Variants in B3GALT1 observed in about 807,000 individuals in gnomAD.
The protein encoded by B3GALT1 is beta-1,3-galactosyltransferase 1, also known as UDP-Gal:betaGlcNAc beta 1,3-galactosyltransferase, polypeptide 1.
Under a neutral mutation model 23.2 loss-of-function variants are expected in B3GALT1, and 10 were observed. The observed-to-expected ratio is 0.43, with a 90% CI of 0.27 to 0.73. The LOEUF is 0.73. Among genes scored for constraint, B3GALT1 ranks in the 30% least tolerant of loss-of-function variants. The pLI is 0.21. For missense variants in B3GALT1, 299 were observed against 405.4 expected, an observed-to-expected ratio of 0.74 and a Z score of 2.25; for synonymous variants, 156 against 141.5, an observed-to-expected ratio of 1.10 and a Z score of -0.73.
At chr2:167,566,122 C>T (rs1259898803) in intron 2 of B3GALT1, among the ~76,000 whole-genome samples, 2 of 152,052 alleles carry the variant, frequency 1.3e-5, no homozygotes, top group Non-Finnish European at 2.9e-5. Context: ...CAATGATAGA[C>T]TGGATTAAGA....
chr2:167,689,965 G>A (rs1686683003), intron 3 of B3GALT1, among the ~76,000 whole-genome samples: 2 of 152,088 alleles, frequency 1.3e-5, no homozygotes, highest in Non-Finnish European at 2.9e-5. Flanking sequence ...ATAAGGGAAT[G>A]AGCTTCGTAA....
intron 3 of B3GALT1, among the ~76,000 whole-genome samples, chr2:167,667,416 A>C (rs1341890244): frequency 1.3e-5 from 2 of 151,854 alleles, no homozygotes; most frequent in African/African-American, 4.8e-5. Flanking sequence ...GGTGAATCTG[A>C]CAATTATGTG....
At chr2:167,334,826 G>C (rs1194051116) in intron 1 of B3GALT1, among the ~76,000 whole-genome samples, 1 of 152,152 alleles carries the variant, frequency 6.6e-6, no homozygotes, top group Non-Finnish European at 1.5e-5. Context: ...CTCCTCTCAA[G>C]AATTATGTTA....
chr2:167,376,032 A>C (rs1405066051), intron 1 of B3GALT1, among the ~76,000 whole-genome samples: 1 of 152,190 alleles, frequency 6.6e-6, no homozygotes, highest in Non-Finnish European at 1.5e-5. Context: ...TTTATCTTAA[A>C]GAGATGTTGG....
chr2:167,434,890 T>C (rs1396856828), intron 1 of B3GALT1, among the ~76,000 whole-genome samples: 1 of 152,026 alleles, frequency 6.6e-6, no homozygotes, highest in Admixed American at 6.6e-5. Flanking sequence ...ACAAAACATA[T>C]GTAAAGAAAG....
chr2:167,832,497 A>C (rs1469869128), intron 4 of B3GALT1, among the ~76,000 whole-genome samples: 1 of 152,236 alleles, frequency 6.6e-6, no homozygotes, highest in East Asian at 1.9e-4. Flanking sequence ...CAAAGTTATG[A>C]GAATCTCACT....
At chr2:167,437,663 A>AGCTTATG (rs1187912009) in intron 1 of B3GALT1, among the ~76,000 whole-genome samples, 1 of 152,210 alleles carries the variant, frequency 6.6e-6, no homozygotes, top group Non-Finnish European at 1.5e-5. Context: ...CTGTTCAAAC[A>AGCTTATG]GCTTATGGCT....
chr2:167,482,770 G>A (rs1368426363), intron 1 of B3GALT1, among the ~76,000 whole-genome samples: 4 of 151,314 alleles, frequency 2.6e-5, no homozygotes, highest in African/African-American at 4.9e-5. Flanking sequence ...AACCCAGGAG[G>A]CAGAGGTTGC....
At position 167,666,906 on chromosome 2, in the gene B3GALT1, T is replaced by C. The variant is rs557802630; in HGVS notation, c.-352+19940T>C. ...TGAAGAGTCTTGACTCTTTATCCAA[T>C]TTGCCAGTCTGTGTCTTTTAATTGG... On this transcript the variant is annotated intron_variant, in intron 3 of 4. Transcript: ENST00000392690. Among the ~76,000 whole-genome samples, 11 of 152,306 alleles carry C rather than the reference T, an allele frequency of 7.2e-5. No individual in the cohort carries two copies. In the East Asian group the frequency reaches 1.9e-3, roughly 27 times the overall value.
intron 2 of B3GALT1, among the ~76,000 whole-genome samples, chr2:167,627,829 C>T (rs112408759): frequency 2.6e-5 from 4 of 151,636 alleles, no homozygotes; most frequent in Non-Finnish European, 5.9e-5. Context: ...TACATCCTTG[C>T]CAGCATTTGC....
At chr2:167,589,390 A>G (rs761497274) in intron 2 of B3GALT1, among the ~76,000 whole-genome samples, 5 of 152,108 alleles carry the variant, frequency 3.3e-5, no homozygotes, top group Admixed American at 6.6e-5. Flanking sequence ...TATTATTTTT[A>G]GGACAGCCCT....
intron 1 of B3GALT1, among the ~76,000 whole-genome samples, chr2:167,346,956 A>G (rs1697231235): frequency 6.6e-6 from 1 of 152,174 alleles, no homozygotes; most frequent in Non-Finnish European, 1.5e-5. Flanking sequence ...ATGTTAGCCA[A>G]AAAATTGTAA....
intron 3 of B3GALT1, among the ~76,000 whole-genome samples, chr2:167,652,852 A>G (rs16854039): frequency 0.039 from 5,871 of 152,186 alleles, 391 homozygotes; most frequent in African/African-American, 0.13. Flanking sequence ...TCTTTTTATC[A>G]CTAAATGCCA....
At chr2:167,345,767 G>A (rs571799422) in intron 1 of B3GALT1, among the ~76,000 whole-genome samples, 1 of 152,290 alleles carries the variant, frequency 6.6e-6, no homozygotes, top group South Asian at 2.1e-4. Context: ...TGCTGTGGTA[G>A]ATGATTACTT....
chr2:167,679,552 T>C (rs1686491952), intron 3 of B3GALT1, among the ~76,000 whole-genome samples: 1 of 152,196 alleles, frequency 6.6e-6, no homozygotes, highest in Admixed American at 6.5e-5. Context: ...CTGCACCTGG[T>C]TTCAACATTG....
intron 1 of B3GALT1, among the ~76,000 whole-genome samples, chr2:167,410,116 G>A (rs1238808832): frequency 6.6e-6 from 1 of 152,138 alleles, no homozygotes; most frequent in Non-Finnish European, 1.5e-5. Flanking sequence ...ATGAGTTCAT[G>A]TCCTTTGCAG....
rs189459535 is a variant in B3GALT1, at chr2:167,609,445, C to A, written c.-409-37464C>A. Among the ~76,000 whole-genome samples, 10 of 152,172 alleles carry A rather than the reference C, an allele frequency of 6.6e-5. No individual in the cohort carries two copies. The East Asian group carries it at 1.4e-3, about 21-fold the overall frequency. On this transcript the variant is annotated intron_variant, in intron 2 of 4. Transcript: ENST00000392690. ...AAACAGAGCATAAGGTAGGGTGGGACGAGTGGCTCAATAGTGTCCTCAAGG... is the reference window on the plus strand; with the variant it reads ...AAACAGAGCATAAGGTAGGGTGGGAAGAGTGGCTCAATAGTGTCCTCAAGG...
chr2:167,561,315 C>G (rs566769846), intron 2 of B3GALT1, among the ~76,000 whole-genome samples: 2 of 152,066 alleles, frequency 1.3e-5, no homozygotes, highest in Middle Eastern at 3.4e-3. Context: ...AGTGTGTAGA[C>G]GGAAATTTAT....
chr2:167,603,390 A>T (rs944034041), intron 2 of B3GALT1, among the ~76,000 whole-genome samples: 8 of 152,224 alleles, frequency 5.3e-5, no homozygotes, highest in African/African-American at 1.9e-4. Context: ...GAAATTCAGC[A>T]ATCTTTTTGA....
Sources: allele counts gnomAD v4.1 joint callset (sites outside exome capture counted in the v4.1 genomes callset), GRCh38; gene constraint gnomAD v4.1.1; transcripts MANE v1.5; gene names NCBI Gene and HGNC (gene_info 2026-07-23, HGNC 2026-07-21).